The following PRRC2B variants were observed in gnomAD, a reference collection of about 807,000 sequenced individuals.
The protein encoded by PRRC2B is proline rich coiled-coil 2B.
PRRC2B carries 68 observed loss-of-function variants against 242.3 expected under a neutral mutation model. The observed-to-expected ratio is 0.28, with a 90% CI of 0.23 to 0.34. The LOEUF (loss-of-function observed/expected upper bound fraction) is 0.34. Among genes scored for constraint, PRRC2B ranks in the 10% least tolerant of loss-of-function variants. PRRC2B has a pLI of 1.00. For missense variants in PRRC2B, 2,835 were observed against 2,954.8 expected (o/e 0.96, Z 0.94); for synonymous variants, 1,228 against 1,173.6 (o/e 1.05, Z -0.95).
In PRRC2B at chr9:131,487,161, TCA is replaced by T; in HGVS notation, c.5857-3_5857-2del. 6.2e-7 allele frequency: 1 copy of T among 1,613,414 alleles called. No homozygotes were observed. The highest frequency in any genetic ancestry group is 8.5e-7 in the Non-Finnish European group (1 of 1,179,680). ...TACCTCCCCGACCCCGTTTTCCCGTTCACAGGCCGCCGCTGCCCAGCAGATCC... is the reference window on the plus strand; with the variant it reads ...TACCTCCCCGACCCCGTTTTCCCGTTCAGGCCGCCGCTGCCCAGCAGATCC... On this transcript the variant is annotated splice_region_variant and splice_polypyrimidine_tract_variant and intron_variant, in intron 26 of 31. Coordinates refer to ENST00000683519, the MANE Select transcript of PRRC2B (RefSeq NM_013318.4). The surrounding 1 kb of genome is among the most constrained non-coding windows in gnomAD (Gnocchi z 5.3).
chr9:131,399,013 C>T (rs1009059333), intron 1 of PRRC2B, among the ~76,000 whole-genome samples: 2 of 151,334 alleles, frequency 1.3e-5, no homozygotes, highest in African/African-American at 4.9e-5. Context: ...CGGTGGCTCA[C>T]GCCTGTAATC....
In PRRC2B at chr9:131,495,337, G is replaced by T. The variant is rs115664545; in HGVS notation, c.6556-403G>T. ...CTAGGGCCCCAGCAGACAGTCGGGG[G>T]CTCCGAGACGTGCAGGGGGCACTTG... is the stretch of plus-strand genomic sequence containing the variant. On this transcript the variant is annotated intron_variant, in intron 31 of 31. Coordinates refer to ENST00000683519, the MANE Select transcript of PRRC2B (RefSeq NM_013318.4). Among the ~76,000 whole-genome samples the T allele has an allele frequency of 9.5e-3, 1,440 of 152,216 alleles. 27 individuals are homozygous for T. The highest frequency in any genetic ancestry group is 0.033 in the African/African-American group (1,361 of 41,514).
At chr9:131,384,757 G>T (rs562310224) in intron 1 of PRRC2B, among the ~76,000 whole-genome samples, 2 of 149,532 alleles carry the variant, frequency 1.3e-5, no homozygotes, top group African/African-American at 4.9e-5. Flanking sequence ...GTTTCACCAT[G>T]CTGATCAGGC....
chr9:131,440,804 C>A (rs534557362), intron 5 of PRRC2B, among the ~76,000 whole-genome samples: 14 of 151,864 alleles, frequency 9.2e-5, no homozygotes, highest in Non-Finnish European at 1.6e-4. Context: ...AGTATCTTAA[C>A]CATTTGTGTA....
rs551863550 is a variant in PRRC2B at position 131,452,213 on chromosome 9, C to T, written c.1121-2863C>T. ...GTCACCCAGGCTGAGTGCACTGCTG[C>T]AATAATGGCTCAACGCAGCCTCAAA... On this transcript the variant is annotated intron_variant, in intron 9 of 31. Coordinates refer to ENST00000683519, the MANE Select transcript of PRRC2B (RefSeq NM_013318.4). Among the ~76,000 whole-genome samples the T allele has an allele frequency of 2.0e-4, 31 of 152,234 alleles. No individual in the cohort carries two copies. In the East Asian group the frequency reaches 4.8e-3, roughly 24 times the overall value.
intron 1 of PRRC2B, among the ~76,000 whole-genome samples, chr9:131,429,370 T>C (rs1838063890): frequency 6.6e-6 from 1 of 152,202 alleles, no homozygotes. Context: ...GGGAAGCTTC[T>C]TTCTTGGAGG....
At chr9:131,384,175 T>C (rs1836799190) in intron 1 of PRRC2B, among the ~76,000 whole-genome samples, 2 of 149,652 alleles carry the variant, frequency 1.3e-5, no homozygotes, top group South Asian at 4.3e-4. Flanking sequence ...CTGCAACCTC[T>C]GTCTGCCTCC....
intron 30 of PRRC2B, 42 bp downstream of exon 30, chr9:131,492,302 A>G (rs149638194): frequency 8.1e-5 from 124 of 1,525,592 alleles, no homozygotes; most frequent in Non-Finnish European, 1.0e-4. Flanking sequence ...GTAGCTGAGC[A>G]GTTGCCAGAG....
At chr9:131,411,314 T>C (rs1837499898) in intron 1 of PRRC2B, among the ~76,000 whole-genome samples, 1 of 148,666 alleles carries the variant, frequency 6.7e-6, no homozygotes, top group African/African-American at 2.5e-5. Context: ...TATTTTCTTT[T>C]TTTTGTTTGT....
intron 1 of PRRC2B, among the ~76,000 whole-genome samples, chr9:131,409,595 G>C (rs1274082296): frequency 6.6e-6 from 1 of 152,222 alleles, no homozygotes; most frequent in Non-Finnish European, 1.5e-5. Context: ...TGGAGCCTGT[G>C]GGGGCCGGGC....
chr9:131,420,100 T>C (rs1398329339), intron 1 of PRRC2B, among the ~76,000 whole-genome samples: 1 of 152,164 alleles, frequency 6.6e-6, no homozygotes, highest in African/African-American at 2.4e-5. Flanking sequence ...TTTCCTCTTA[T>C]TTTAAATTTG....
chr9:131,471,066 T>A, intron 14 of PRRC2B, 83 bp downstream of exon 14: 1 of 985,528 alleles, frequency 1.0e-6, no homozygotes, highest in South Asian at 1.6e-5. Context: ...GTTAAACAGA[T>A]ACACCTGGAT....
chr9:131,413,343 G>T (rs1437612973), intron 1 of PRRC2B, among the ~76,000 whole-genome samples: 1 of 152,186 alleles, frequency 6.6e-6, no homozygotes, highest in African/African-American at 2.4e-5. Context: ...GAAACTGAAC[G>T]CAGTAGGGTG....
At chr9:131,405,974 A>C (rs1257064124) in intron 1 of PRRC2B, among the ~76,000 whole-genome samples, 1 of 152,166 alleles carries the variant, frequency 6.6e-6, no homozygotes, top group Non-Finnish European at 1.5e-5. Flanking sequence ...TAACACCTTC[A>C]TAGGACCTGG....
At chr9:131,410,724 T>G (rs896807846) in intron 1 of PRRC2B, among the ~76,000 whole-genome samples, 2 of 152,202 alleles carry the variant, frequency 1.3e-5, no homozygotes, top group Non-Finnish European at 2.9e-5. Flanking sequence ...TCATTTTTTC[T>G]TTTCTTTTTT....
chr9:131,407,942 C>T (rs188750762), intron 1 of PRRC2B, among the ~76,000 whole-genome samples: 1 of 152,228 alleles, frequency 6.6e-6, no homozygotes. Context: ...TTTATTCGGG[C>T]AGCCCGATGG....
chr9:131,479,965 TC>T (rs1329048820), intron 19 of PRRC2B, among the ~76,000 whole-genome samples: 1 of 152,222 alleles, frequency 6.6e-6, no homozygotes, highest in African/African-American at 2.4e-5. Context: ...TGGGAATTTT[TC>T]CTTATAAAAT....
chr9:131,446,768 C>T lies in PRRC2B; in HGVS notation c.855+126C>T. On this transcript the variant is annotated intron_variant, in intron 7 of 31. Coordinates refer to ENST00000683519, the MANE Select transcript of PRRC2B (RefSeq NM_013318.4). The surrounding 1 kb of genome is among the most constrained non-coding windows in gnomAD (Gnocchi z 4.1). ...CCTGTTACCCTACTTCTGAGGCTTC[C>T]ACTCGTTTTGCATTTTCTCTCCCTG... is the stretch of plus-strand genomic sequence containing the variant. The T allele has an allele frequency of 8.8e-7, 1 of 1,134,636 alleles. No individual in the cohort carries two copies. Among genetic ancestry groups the T allele is most frequent in the South Asian group, 1.6e-5 (1 of 63,098 alleles). 70.3% of individuals were successfully genotyped at this position (1,134,636 alleles called of 1,614,324 possible).
Position 131,447,771 on chromosome 9 carries a change from G to C in PRRC2B, c.1087G>C (p.Asp363His). The C allele has an allele frequency of 6.2e-7, 1 of 1,613,542 alleles. No homozygotes were observed. Among genetic ancestry groups the C allele is most frequent in the South Asian group, 1.1e-5 (1 of 91,060 alleles). ...TGCGGAAAACCTGAAGGGCCTTGAC[G>C]ATCTGGACGCCGATGCCGATGATGG... ...INAENLKGLD[D>H]LDADADDGWA... The change falls in exon 9 of 32, where the codon GAT becomes CAT. Residue 363 changes from aspartate to histidine, a missense_variant. By Grantham distance (81) the Asp-to-His change is moderately conservative. Coordinates refer to ENST00000683519, the MANE Select transcript of PRRC2B (RefSeq NM_013318.4).
Sources: allele counts gnomAD v4.1 joint callset (sites outside exome capture counted in the v4.1 genomes callset), GRCh38; gene constraint gnomAD v4.1.1; non-coding constraint Gnocchi (gnomAD v3.1); transcripts MANE v1.5; gene names NCBI Gene and HGNC (gene_info 2026-07-23, HGNC 2026-07-21).